NFIB: variants seen among roughly 807,000 people sequenced by gnomAD.
The protein encoded by NFIB is nuclear factor 1 B-type.
A neutral mutation model predicts 61.5 loss-of-function variants in NFIB; 11 were observed. The ratio of observed to expected loss-of-function variants is 0.18; its 90% confidence interval spans 0.11 to 0.30. The LOEUF (loss-of-function observed/expected upper bound fraction) is 0.30. NFIB is among the 10% of genes least tolerant of loss of function. The pLI is 1.00. For synonymous variants in NFIB, 260 were observed against 216.5 expected, an observed-to-expected ratio of 1.20 and a Z score of -1.76; for missense variants, 471 against 608.9, an observed-to-expected ratio of 0.77 and a Z score of 2.38.
chr9:14,389,511 T>C (rs1387743113), intron 1 of NFIB, among the ~76,000 whole-genome samples: 3 of 152,320 alleles, frequency 2.0e-5, no homozygotes, highest in African/African-American at 2.4e-5. Context: ...ACTTTAAATA[T>C]TTTAAGCAGG....
chr9:14,418,540 G>A, the NFIB span, among the ~76,000 whole-genome samples: 2 of 152,248 alleles, frequency 1.3e-5, no homozygotes, highest in Non-Finnish European at 2.9e-5. Context: ...AGTGTGTGTG[G>A]TTTGCTGCAT....
At chr9:14,124,809 A>C (rs998986341) in intron 7 of NFIB, among the ~76,000 whole-genome samples, 32 of 152,222 alleles carry the variant, frequency 2.1e-4, no homozygotes, top group Admixed American at 1.2e-3. Context: ...GACATCAGAC[A>C]CAATATCAAG....
At chr9:14,244,745 G>T (rs78462233) in intron 2 of NFIB, among the ~76,000 whole-genome samples, 2,274 of 152,142 alleles carry the variant, frequency 0.015, 29 homozygotes, top group African/African-American at 0.028. Context: ...GGGATATGTA[G>T]AAAAAACATT....
intron 6 of NFIB, among the ~76,000 whole-genome samples, chr9:14,134,798 AG>A (rs761176029): frequency 2.0e-5 from 3 of 146,360 alleles, no homozygotes; most frequent in Non-Finnish European, 4.5e-5. Context: ...TGGGGAGGTT[AG>A]GGCAGGAAGA....
chr9:14,108,386 T>C (rs1340445471), intron 10 of NFIB, among the ~76,000 whole-genome samples: 1 of 152,084 alleles, frequency 6.6e-6, no homozygotes, highest in Non-Finnish European at 1.5e-5. Context: ...ATAAGAAGAT[T>C]TAAACTAATA....
intron 1 of NFIB, among the ~76,000 whole-genome samples, chr9:14,358,322 G>T (rs1429666311): frequency 6.6e-6 from 1 of 151,816 alleles, no homozygotes; most frequent in Non-Finnish European, 1.5e-5. Flanking sequence ...AAAAAAGGCT[G>T]TTCGTTTCTT....
chr9:14,514,327 T>TACACACACACACACACACAC, the NFIB span, among the ~76,000 whole-genome samples: 1 of 147,938 alleles, frequency 6.8e-6, no homozygotes, highest in Admixed American at 6.7e-5. Flanking sequence ...CATACATACA[T>TACACACACACACACACACAC]ACACACACAC....
chr9:14,115,089 T>C (rs2037926402), intron 9 of NFIB, among the ~76,000 whole-genome samples: 1 of 152,144 alleles, frequency 6.6e-6, no homozygotes, highest in Admixed American at 6.5e-5. Flanking sequence ...ACGGGGCTCA[T>C]GAATTTTGAG....
intron 2 of NFIB, among the ~76,000 whole-genome samples, chr9:14,249,860 C>A (rs1418820211): frequency 6.6e-6 from 1 of 152,132 alleles, no homozygotes; most frequent in East Asian, 1.9e-4. Flanking sequence ...AGTGGTGACA[C>A]TGTCCTCATG....
chr9:14,503,227 T>C, the NFIB span, among the ~76,000 whole-genome samples: 5 of 152,118 alleles, frequency 3.3e-5, no homozygotes, highest in South Asian at 2.1e-4. Flanking sequence ...ATTTTTGCAA[T>C]TGCAAATTGT....
intron 2 of NFIB, among the ~76,000 whole-genome samples, chr9:14,224,039 A>G (rs1403469141): frequency 6.6e-6 from 1 of 152,226 alleles, no homozygotes; most frequent in Non-Finnish European, 1.5e-5. Flanking sequence ...AAAAGAAATA[A>G]GGTCACATCA....
intron 2 of NFIB, among the ~76,000 whole-genome samples, chr9:14,277,724 G>C (rs1588086592): frequency 6.6e-6 from 1 of 152,132 alleles, no homozygotes; most frequent in Non-Finnish European, 1.5e-5. Flanking sequence ...GGGTTCAAAT[G>C]TCAAGTACAT....
intron 3 of NFIB, among the ~76,000 whole-genome samples, chr9:14,172,275 G>T (rs2045648812): frequency 6.6e-6 from 1 of 152,176 alleles, no homozygotes; most frequent in East Asian, 1.9e-4. Context: ...TTGTCCAAAT[G>T]AGGAACAAAA....
chr9:14,101,517 G>A (rs778707608), intron 10 of NFIB, among the ~76,000 whole-genome samples: 4 of 152,160 alleles, frequency 2.6e-5, no homozygotes, highest in Non-Finnish European at 4.4e-5. Flanking sequence ...TTCCGTAAAC[G>A]GAGGATTAAC....
At chr9:14,491,254 G>A in the NFIB span, among the ~76,000 whole-genome samples, 2 of 152,096 alleles carry the variant, frequency 1.3e-5, no homozygotes, top group Non-Finnish European at 2.9e-5. Context: ...CCCTGTGTTA[G>A]CTACAATTAT....
intron 1 of NFIB, among the ~76,000 whole-genome samples, chr9:14,390,475 T>C (rs1324445555): frequency 1.3e-5 from 2 of 152,146 alleles, no homozygotes; most frequent in African/African-American, 4.8e-5. Context: ...AAGAGTAAAC[T>C]CAAGTGTAAG....
At chr9:14,154,589 TG>T (rs907669223) in intron 4 of NFIB, among the ~76,000 whole-genome samples, 2 of 152,118 alleles carry the variant, frequency 1.3e-5, no homozygotes, top group Non-Finnish European at 1.5e-5. Context: ...ATACACACCC[TG>T]GGGCTACCAG....
intron 2 of NFIB, among the ~76,000 whole-genome samples, chr9:14,237,279 T>C (rs976433194): frequency 6.6e-6 from 1 of 152,264 alleles, no homozygotes; most frequent in East Asian, 1.9e-4. Context: ...TTAGAGCCAA[T>C]TTCTTTCATC....
intron 3 of NFIB, among the ~76,000 whole-genome samples, chr9:14,159,038 G>C (rs989828957): frequency 1.1e-4 from 16 of 152,212 alleles, no homozygotes; most frequent in African/African-American, 3.9e-4. Flanking sequence ...TGAGAAGTCA[G>C]AGATCCATCT....
Sources: gnomAD v4.1 joint callset for allele counts (sites outside exome capture counted in the v4.1 genomes callset) on GRCh38, gnomAD v4.1.1 for gene constraint, MANE v1.5 for transcripts, NCBI Gene and HGNC (gene_info 2026-07-23, HGNC 2026-07-21) for gene names.